Variants in TBC1D32 observed in about 807,000 individuals in gnomAD.
TBC1D32 encodes the protein TBC1 domain family member 32, also known as protein broad-minded.
In TBC1D32, 151 loss-of-function variants were observed where a neutral mutation model predicts 170.3. That is an observed-to-expected ratio of 0.89 (90% CI 0.78 to 1.01). TBC1D32 has a LOEUF of 1.01. Ranked by LOEUF, TBC1D32 falls within the 50% of genes least tolerant of loss-of-function variation. The pLI is 0.00. For synonymous variants in TBC1D32, 498 were observed against 488.0 expected (o/e 1.02, Z -0.27); for missense variants, 1,464 against 1,457.1 (o/e 1.00, Z -0.08).
chr6:121,319,671 G>A (rs17083417), intron 2 of TBC1D32, among the ~76,000 whole-genome samples: 12 of 152,082 alleles, frequency 7.9e-5, no homozygotes, highest in South Asian at 4.1e-4. Context: ...TATAAGTTTC[G>A]CTTTGAACAT....
intron 16 of TBC1D32, 145 bp from the exon 17 acceptor site, chr6:121,255,555 T>G (rs1030005632): frequency 1.3e-4 from 27 of 207,822 alleles, no homozygotes; most frequent in Non-Finnish European, 2.3e-4. Context: ...CCCATAAGAT[T>G]TCTTATGTTG....
chr6:121,191,864 G>C (rs891328385), intron 22 of TBC1D32, among the ~76,000 whole-genome samples: 3 of 151,920 alleles, frequency 2.0e-5, no homozygotes, highest in African/African-American at 7.2e-5. Context: ...ACACAAAGCA[G>C]GCAGAAAAAC....
chr6:121,296,172 T>TGGGAAA (rs1805612562), intron 10 of TBC1D32, among the ~76,000 whole-genome samples: 1 of 152,166 alleles, frequency 6.6e-6, no homozygotes, highest in Non-Finnish European at 1.5e-5. Context: ...GTGATTCTAG[T>TGGGAAA]GGGAAAAAGA....
chr6:121,329,312 T>C (rs1380393368), intron 1 of TBC1D32, among the ~76,000 whole-genome samples: 2 of 152,140 alleles, frequency 1.3e-5, no homozygotes, highest in South Asian at 2.1e-4. Context: ...AAAAATCTCA[T>C]TGGTACAAGT....
chr6:121,240,071 T>G (rs2128358402), intron 19 of TBC1D32, among the ~76,000 whole-genome samples: 1 of 152,288 alleles, frequency 6.6e-6, no homozygotes, highest in East Asian at 1.9e-4. Context: ...AAGGTTGCCA[T>G]GAAGTATCAA....
chr6:121,161,830 C>T (rs1397275905), intron 22 of TBC1D32, among the ~76,000 whole-genome samples: 1 of 152,208 alleles, frequency 6.6e-6, no homozygotes, highest in African/African-American at 2.4e-5. Context: ...TTCTCCACAA[C>T]CATGCCAGCA....
At chr6:121,230,666 CACACACGTGT>C (rs1562993740) in intron 20 of TBC1D32, among the ~76,000 whole-genome samples, 2 of 150,430 alleles carry the variant, frequency 1.3e-5, no homozygotes, top group African/African-American at 4.9e-5. Flanking sequence ...TACATATATA[CACACACGTGT>C]ATATATACAC....
At chr6:121,323,883 T>C (rs1473273011) in intron 1 of TBC1D32, among the ~76,000 whole-genome samples, 1 of 152,134 alleles carries the variant, frequency 6.6e-6, no homozygotes, top group Non-Finnish European at 1.5e-5. Context: ...GAGGTTGCAG[T>C]GAGCCAAGAT....
intron 4 of TBC1D32, 61 bp from the exon 5 acceptor site, chr6:121,308,162 A>G: frequency 6.6e-7 from 1 of 1,517,908 alleles, no homozygotes; most frequent in Non-Finnish European, 9.0e-7. Flanking sequence ...CCACTTTTCC[A>G]AAACAATATT....
rs114527046 is a variant in TBC1D32 at position 121,316,312 on chromosome 6, A to G, written c.495+1183T>C. Among the ~76,000 whole-genome samples, 1,350 of 152,242 alleles carry G rather than the reference A, an allele frequency of 8.9e-3. 28 individuals are homozygous for G. The highest frequency in any genetic ancestry group is 0.031 in the African/African-American group (1,276 of 41,534). On this transcript the variant is annotated intron_variant, in intron 3 of 31. Coordinates refer to ENST00000398212, the MANE Select transcript of TBC1D32 (RefSeq NM_152730.6). ...CCATTTCAATGTATTCAGGTGGTTC[A>G]GCAAATAAGTAAGAGCATATAATCT...
chr6:121,083,802 A>G (rs903686961), intron 31 of TBC1D32, among the ~76,000 whole-genome samples: 7 of 152,114 alleles, frequency 4.6e-5, no homozygotes, highest in African/African-American at 1.7e-4. Flanking sequence ...TCAATTTTTC[A>G]TGTGTTAAAT....
intron 15 of TBC1D32, among the ~76,000 whole-genome samples, chr6:121,263,486 T>C (rs117021991): frequency 0.033 from 4,986 of 152,122 alleles, 192 homozygotes; most frequent in East Asian, 0.12. Context: ...CACACAATAA[T>C]AGTGGGAGAC....
intron 5 of TBC1D32, among the ~76,000 whole-genome samples, chr6:121,307,480 G>T (rs770499809): frequency 1.3e-5 from 2 of 152,142 alleles, no homozygotes; most frequent in Non-Finnish European, 2.9e-5. Context: ...ACCATATTTT[G>T]ACTCTAATCA....
In TBC1D32 at chr6:121,304,583, A is replaced by T; in HGVS notation, c.812T>A (p.Ile271Asn). 1 of 1,612,038 alleles carries T rather than the reference A, an allele frequency of 6.2e-7. No individual in the cohort carries two copies. The highest frequency in any genetic ancestry group is 1.1e-5 in the South Asian group (1 of 90,630). The change falls in exon 7 of 32, where the codon ATT becomes AAT. Residue 271 changes from isoleucine (I) to asparagine (N), a missense_variant. Coordinates refer to ENST00000398212, the MANE Select transcript of TBC1D32 (RefSeq NM_152730.6). ...ESYFLSRENHIPTLSAGVDIT... is the reference protein window; with the variant it reads ...ESYFLSRENHNPTLSAGVDIT... Reference sequence around the variant, plus strand: ...ATCTACACCAGCTGAAAGAGTAGGAATATGATTTTCCCTAGAAAGAAAGTA... The same window carrying T: ...ATCTACACCAGCTGAAAGAGTAGGATTATGATTTTCCCTAGAAAGAAAGTA...
At chr6:121,212,415 A>G (rs1793180252) in intron 21 of TBC1D32, among the ~76,000 whole-genome samples, 1 of 151,686 alleles carries the variant, frequency 6.6e-6, no homozygotes, top group Non-Finnish European at 1.5e-5. Flanking sequence ...AAAACCTGGC[A>G]GAGACACAAC....
In TBC1D32 at chr6:121,182,070, C is replaced by T. The variant is rs551884231; in HGVS notation, c.2571-21014G>A. On this transcript the variant is annotated intron_variant, in intron 22 of 31. Transcript: ENST00000398212. ...AAATGTAAAAACCCAAAAATATATACACTGTCTAGCAATATATGACTAGGT... is the reference window on the plus strand; with the variant it reads ...AAATGTAAAAACCCAAAAATATATATACTGTCTAGCAATATATGACTAGGT... Among the ~76,000 whole-genome samples the T allele has an allele frequency of 2.6e-5, 4 of 152,124 alleles. No homozygotes were observed. In the East Asian group the frequency reaches 7.7e-4, roughly 29 times the overall value.
chr6:121,313,776 T>C (rs1194456565), intron 3 of TBC1D32, among the ~76,000 whole-genome samples: 2 of 152,166 alleles, frequency 1.3e-5, no homozygotes, highest in Non-Finnish European at 2.9e-5. Flanking sequence ...CTAATCCTAC[T>C]GCTCTGAGTG....
At chr6:121,228,455 G>A (rs1795328312) in intron 20 of TBC1D32, among the ~76,000 whole-genome samples, 1 of 151,974 alleles carries the variant, frequency 6.6e-6, no homozygotes, top group African/African-American at 2.4e-5. Context: ...AAATTCTGAT[G>A]TATTTTTATT....
At chr6:121,083,948 G>A (rs144649441) in intron 31 of TBC1D32, among the ~76,000 whole-genome samples, 1,705 of 151,980 alleles carry the variant, frequency 0.011, 7 homozygotes, top group Middle Eastern at 0.027. Flanking sequence ...ACCTTGTTCT[G>A]GTCACAGTGG....
Sources: allele counts gnomAD v4.1 joint callset (sites outside exome capture counted in the v4.1 genomes callset), GRCh38; gene constraint gnomAD v4.1.1; transcripts MANE v1.5; gene names NCBI Gene and HGNC (gene_info 2026-07-23, HGNC 2026-07-21).